The following AKR1E2 variants were observed in gnomAD, a reference collection of about 807,000 sequenced individuals.
AKR1E2 encodes the protein aldo-keto reductase family 1 member E2.
AKR1E2 carries 43 observed loss-of-function variants against 41.9 expected under a neutral mutation model. The observed-to-expected ratio is 1.03, with a 90% CI of 0.80 to 1.32. The LOEUF (loss-of-function observed/expected upper bound fraction) is 1.32. AKR1E2 is among the 40% of genes most tolerant of loss of function. The pLI is 0.00. For missense variants in AKR1E2, 423 were observed against 396.5 expected (o/e 1.07, Z -0.57); for synonymous variants, 121 against 138.9 (o/e 0.87, Z 0.91).
At chr10:4,837,670 T>C in intron 5 of AKR1E2, 89 bp downstream of exon 5, 1 of 1,544,742 alleles carries the variant, frequency 6.5e-7, no homozygotes, top group Non-Finnish European at 8.8e-7. Flanking sequence ...AATGGAAGAA[T>C]GGGTGAAGCA....
intron 6 of AKR1E2, among the ~76,000 whole-genome samples, chr10:4,841,191 G>A (rs770681311): frequency 1.6e-4 from 24 of 152,068 alleles, no homozygotes; most frequent in Admixed American, 2.6e-4. Context: ...CCTCGAGGAC[G>A]ATACTAGCAC....
At chr10:4,870,956 T>G in the AKR1E2 span, among the ~76,000 whole-genome samples, 1 of 152,182 alleles carries the variant, frequency 6.6e-6, no homozygotes, top group East Asian at 1.9e-4. Flanking sequence ...CTACAAGTCC[T>G]TGAAGCTCTG....
the AKR1E2 span, among the ~76,000 whole-genome samples, chr10:4,864,323 C>T: frequency 1.3e-4 from 20 of 152,272 alleles, no homozygotes; most frequent in Admixed American, 3.9e-4. Flanking sequence ...AATCAATAAA[C>T]GTAATCCAGC....
chr10:4,830,959 A>T, intron 2 of AKR1E2, 117 bp downstream of exon 2: 1 of 1,275,208 alleles, frequency 7.8e-7, no homozygotes, highest in Admixed American at 2.4e-5. Context: ...GGAATAAACA[A>T]GAATATTCAC....
downstream of AKR1E2, among the ~76,000 whole-genome samples, chr10:4,848,273 A>G (rs1834457943): frequency 6.6e-6 from 1 of 152,104 alleles, no homozygotes; most frequent in Non-Finnish European, 1.5e-5. Flanking sequence ...TACCTGGGGA[A>G]CCCCCATAGC....
At position 4,826,288 on chromosome 10, in the gene AKR1E2, G is replaced by C. The variant is rs1358332888; in HGVS notation, c.-37G>C. 3.3e-6 allele frequency: 4 copies of C among 1,216,700 alleles called. No homozygotes were observed. The highest frequency in any genetic ancestry group is 2.9e-4 in the Middle Eastern group (1 of 3,458). The allele number at this position is 1,216,700 out of a possible 1,614,324, so 75.4% of individuals were successfully genotyped here. On this transcript the variant is annotated 5_prime_UTR_variant, in exon 1 of 10. Transcript: ENST00000298375. ...GCGCGGTGCCTGTCGGTAGTCGCGT[G>C]CGGGGCGGCGGGGCGGCGGGGCGGC...
chr10:4,826,450 G>A, intron 1 of AKR1E2, 87 bp downstream of exon 1: 2 of 1,160,574 alleles, frequency 1.7e-6, no homozygotes, highest in Non-Finnish European at 2.2e-6. Flanking sequence ...CCGGGGCTGG[G>A]GAGAAGTGCG....
intron 6 of AKR1E2, among the ~76,000 whole-genome samples, chr10:4,840,340 C>T (rs796266734): frequency 3.3e-5 from 5 of 152,324 alleles, no homozygotes; most frequent in African/African-American, 1.2e-4. Flanking sequence ...ATTATTCTGC[C>T]AGGAGAAGTT....
intron 5 of AKR1E2, among the ~76,000 whole-genome samples, chr10:4,837,808 T>G (rs1286418774): frequency 6.6e-6 from 1 of 152,200 alleles, no homozygotes; most frequent in Non-Finnish European, 1.5e-5. Flanking sequence ...GAGCTGGTGC[T>G]TGGCCCTCCA....
intron 2 of AKR1E2, among the ~76,000 whole-genome samples, chr10:4,831,841 C>A (rs1832995010): frequency 6.6e-6 from 1 of 152,076 alleles, no homozygotes; most frequent in Non-Finnish European, 1.5e-5. Context: ...TTAAATAGGG[C>A]AGCTTGTATC....
chr10:4,858,908 T>A, the AKR1E2 span, among the ~76,000 whole-genome samples: 2 of 150,826 alleles, frequency 1.3e-5, no homozygotes, highest in African/African-American at 4.9e-5. Flanking sequence ...ACTGCAACCT[T>A]CGCCTCCCTG....
chr10:4,828,824 A>G (rs189546988), intron 1 of AKR1E2, among the ~76,000 whole-genome samples: 1 of 152,314 alleles, frequency 6.6e-6, no homozygotes, highest in African/African-American at 2.4e-5. Context: ...GGTTCTTGAT[A>G]GTGTGTTATA....
chr10:4,858,201 A>G, the AKR1E2 span, among the ~76,000 whole-genome samples: 4 of 152,198 alleles, frequency 2.6e-5, no homozygotes, highest in African/African-American at 9.6e-5. Context: ...GACGTAGCTC[A>G]TAGTGTTAAC....
rs143113841 is a variant in AKR1E2 at position 4,842,431 on chromosome 10, G to A, written c.764G>A (p.Arg255Gln). The change falls in exon 8 of 10, where the codon CGA (arginine) becomes CAA (glutamine). Residue 255 changes from arginine to glutamine, a missense_variant. Physicochemically the swap from Arg to Gln is conservative, Grantham distance 43 (BLOSUM62 1). Transcript: ENST00000298375. ...TTTGTTTCCTTGCAGATTTTGATCC[G>A]ATTTCAAATCCAGAGGAATGTGATA... ...HGKSPAQILI[R>Q]FQIQRNVIVI... 1.9e-6 allele frequency: 3 copies of A among 1,613,846 alleles called. No homozygotes were observed. The highest frequency in any genetic ancestry group is 2.7e-5 in the African/African-American group (2 of 74,898).
At chr10:4,855,338 A>T in the AKR1E2 span, among the ~76,000 whole-genome samples, 1 of 152,240 alleles carries the variant, frequency 6.6e-6, no homozygotes, top group Non-Finnish European at 1.5e-5. Context: ...TTGTTCTGTC[A>T]TAAGGAGGAG....
chr10:4,835,232 G>A lies in AKR1E2; in HGVS notation c.325-443G>A, dbSNP rs11252768. 5.5e-3 allele frequency among the ~76,000 whole-genome samples: 843 copies of A among 152,290 alleles called. 9 individuals are homozygous for A. Among genetic ancestry groups the A allele is most frequent in the African/African-American group, 0.02 (811 of 41,560 alleles). ...TGCCCTCTACCTCCTGTGTACCTTT[G>A]TATTCTCACTTCCTTACCTGTCATC... is the stretch of plus-strand genomic sequence containing the variant. On this transcript the variant is annotated intron_variant, in intron 3 of 9. Coordinates refer to ENST00000298375, the MANE Select transcript of AKR1E2 (RefSeq NM_001040177.3).
chr10:4,869,743 A>T, the AKR1E2 span, among the ~76,000 whole-genome samples: 726 of 152,028 alleles, frequency 4.8e-3, 6 homozygotes, highest in African/African-American at 0.017. Flanking sequence ...TATTTCGCTC[A>T]AGACTTCCTG....
upstream of AKR1E2, chr10:4,825,152 G>C: frequency 8.4e-6 from 3 of 358,992 alleles, no homozygotes; most frequent in Non-Finnish European, 1.8e-5. Flanking sequence ...GATGCAAGTT[G>C]GGTGGGAGGC....
chr10:4,845,661 C>T (rs1230312910), intron 8 of AKR1E2: 5 of 461,630 alleles, frequency 1.1e-5, no homozygotes, highest in Non-Finnish European at 2.2e-5. Context: ...CCACATCGCC[C>T]CAGTTCTGCC....
Sources: allele counts gnomAD v4.1 joint callset (sites outside exome capture counted in the v4.1 genomes callset), GRCh38; gene constraint gnomAD v4.1.1; transcripts MANE v1.5; gene names NCBI Gene and HGNC (gene_info 2026-07-23, HGNC 2026-07-21).